GRIP1: variants seen among roughly 807,000 people sequenced by gnomAD.
GRIP1 encodes the protein glutamate receptor interacting protein 1.
A neutral mutation model predicts 129.9 loss-of-function variants in GRIP1; 45 were observed. The ratio of observed to expected loss-of-function variants is 0.35; its 90% confidence interval spans 0.27 to 0.44. The LOEUF (loss-of-function observed/expected upper bound fraction) is 0.44, where lower values mean the gene tolerates loss of function less well. GRIP1 is among the 20% of genes least tolerant of loss of function. GRIP1 has a pLI of 1.00. For missense variants in GRIP1, 1,196 were observed against 1,396.8 expected, an observed-to-expected ratio of 0.86 and a Z score of 2.29; for synonymous variants, 530 against 520.8, an observed-to-expected ratio of 1.02 and a Z score of -0.24.
rs1365095143 is a variant in GRIP1 at position 66,456,254 on chromosome 12, C to T, written c.1131G>A (p.Thr377=). ...SSLHTNHHYN[T]YHPDHCRVPA... is the part of the protein sequence containing the mutation. ...GTACTCTGCAATGGTCAGGGTGGTACGTGTTATAGTGATGGTTGGTGTGAA... is the reference window on the plus strand; with the variant it reads ...GTACTCTGCAATGGTCAGGGTGGTATGTGTTATAGTGATGGTTGGTGTGAA... Residue 377 remains threonine, a synonymous_variant, in exon 10 of 25, where the codon ACG becomes ACA. Coordinates refer to ENST00000359742, the MANE Select transcript of GRIP1 (RefSeq NM_001366722.1). 13 of 1,289,138 alleles carry T rather than the reference C, an allele frequency of 1.0e-5. No individual in the cohort carries two copies. Among genetic ancestry groups the T allele is most frequent in the African/African-American group, 4.6e-5 (3 of 65,790 alleles). The allele number at this position is 1,289,138 out of a possible 1,614,324, so 79.9% of individuals were successfully genotyped here. A position where few individuals can be genotyped will look rare whatever the true frequency, so the allele number is the denominator to read the frequency against.
intron 1 of GRIP1, among the ~76,000 whole-genome samples, chr12:66,642,774 C>T (rs961166548): frequency 2.6e-5 from 4 of 152,056 alleles, no homozygotes; most frequent in Admixed American, 1.3e-4. Flanking sequence ...CCCTCTACCC[C>T]ATCCCATCTA....
chr12:67,006,393 G>A (rs1592457667), intron 1 of GRIP1, among the ~76,000 whole-genome samples: 2 of 152,042 alleles, frequency 1.3e-5, no homozygotes, highest in South Asian at 4.2e-4. Flanking sequence ...AGTGAGACCC[G>A]TCTCTACAAA....
chr12:66,465,431 G>C lies in GRIP1; in HGVS notation c.725-9C>G, dbSNP rs1296009439. On this transcript the variant is annotated splice_polypyrimidine_tract_variant and intron_variant, in intron 7 of 24. Coordinates refer to ENST00000359742, the MANE Select transcript of GRIP1 (RefSeq NM_001366722.1). ...TGCTGTTGCCACAGAGTCTGTCAAA[G>C]AACAAATTTTAGAAAACAAAACAAA... 1 of 1,611,440 alleles carries C rather than the reference G, an allele frequency of 6.2e-7. No individual in the cohort carries two copies. The highest frequency in any genetic ancestry group is 1.3e-5 in the African/African-American group (1 of 74,778).
At chr12:66,738,382 A>G (rs984492399) in intron 1 of GRIP1, among the ~76,000 whole-genome samples, 38 of 151,180 alleles carry the variant, frequency 2.5e-4, no homozygotes, top group African/African-American at 8.5e-4. Flanking sequence ...ACCACGCCCG[A>G]CTAATTTTTT....
intron 1 of GRIP1, among the ~76,000 whole-genome samples, chr12:66,695,433 C>G (rs531053192): frequency 6.6e-6 from 1 of 152,228 alleles, no homozygotes; most frequent in South Asian, 2.1e-4. Context: ...ATGGGCCACA[C>G]GAGAGGAGGA....
At chr12:66,487,441 T>C (rs577574696) in intron 7 of GRIP1, among the ~76,000 whole-genome samples, 37 of 152,246 alleles carry the variant, frequency 2.4e-4, no homozygotes, top group African/African-American at 8.4e-4. Flanking sequence ...AGGGAATTCA[T>C]CACCACCTCA....
intron 1 of GRIP1, among the ~76,000 whole-genome samples, chr12:66,972,598 C>T (rs910416640): frequency 6.6e-6 from 1 of 152,178 alleles, no homozygotes; most frequent in African/African-American, 2.4e-5. Context: ...GACCACCTAG[C>T]TCTAAAACAA....
chr12:66,803,604 A>C (rs969197906), intron 1 of GRIP1, among the ~76,000 whole-genome samples: 2 of 152,204 alleles, frequency 1.3e-5, no homozygotes. Context: ...ACAACACCTG[A>C]GATTAATCAC....
intron 1 of GRIP1, among the ~76,000 whole-genome samples, chr12:66,781,829 G>A (rs1030318257): frequency 1.3e-5 from 2 of 152,144 alleles, no homozygotes; most frequent in Non-Finnish European, 2.9e-5. Flanking sequence ...GGGGAAGGGT[G>A]TATAAATTGG....
rs144142836 is a variant in GRIP1 at position 66,434,901 on chromosome 12, T to C, written c.1688-2273A>G. ...AGCCTGTGCCTGGCCTTGACAGCCA[T>C]TGAAGTCAGGTTCTAGCCCTTCCTG... On this transcript the variant is annotated intron_variant, in intron 13 of 24. Coordinates refer to ENST00000359742, the MANE Select transcript of GRIP1 (RefSeq NM_001366722.1). 2.1e-3 allele frequency among the ~76,000 whole-genome samples: 322 copies of C among 152,342 alleles called. 1 individual carries two copies. Among genetic ancestry groups the C allele is most frequent in the African/African-American group, 7.3e-3 (305 of 41,582 alleles).
chr12:66,558,719 C>T (rs1320888459), intron 2 of GRIP1, among the ~76,000 whole-genome samples: 1 of 152,034 alleles, frequency 6.6e-6, no homozygotes, highest in African/African-American at 2.4e-5. Flanking sequence ...AAGTCCAGGA[C>T]CTGATGGCTT....
At chr12:66,583,206 G>A (rs1372034704) in intron 2 of GRIP1, among the ~76,000 whole-genome samples, 3 of 150,884 alleles carry the variant, frequency 2.0e-5, no homozygotes, top group Non-Finnish European at 3.0e-5. Flanking sequence ...CTAGCCATAT[G>A]TAGAAAGCTG....
intron 1 of GRIP1, among the ~76,000 whole-genome samples, chr12:66,788,308 C>T (rs2038422937): frequency 6.6e-6 from 1 of 151,272 alleles, no homozygotes; most frequent in South Asian, 2.1e-4. Flanking sequence ...AAAGTCTGGA[C>T]ACAGTTGAGG....
At chr12:66,525,659 T>A (rs1159413431) in intron 5 of GRIP1, among the ~76,000 whole-genome samples, 1 of 151,582 alleles carries the variant, frequency 6.6e-6, no homozygotes, top group Non-Finnish European at 1.5e-5. Context: ...CTATTAAACG[T>A]AGTGTTGGAA....
intron 1 of GRIP1, among the ~76,000 whole-genome samples, chr12:66,883,081 C>G (rs903156356): frequency 5.3e-5 from 8 of 152,118 alleles, no homozygotes; most frequent in South Asian, 2.1e-4. Flanking sequence ...TTGTTCATTT[C>G]TATTCTCTCC....
intron 1 of GRIP1, among the ~76,000 whole-genome samples, chr12:67,056,738 A>G (rs1222555680): frequency 1.3e-5 from 2 of 152,214 alleles, no homozygotes; most frequent in Non-Finnish European, 2.9e-5. Context: ...GAGAGATGAA[A>G]CTTGTAAGAG....
At chr12:66,769,390 G>A (rs1419867817) in intron 1 of GRIP1, among the ~76,000 whole-genome samples, 2 of 152,006 alleles carry the variant, frequency 1.3e-5, no homozygotes, top group Non-Finnish European at 2.9e-5. Context: ...CCTGAAGTTT[G>A]AGAACCACTG....
chr12:66,805,950 C>A (rs2038981528), upstream of GRIP1, among the ~76,000 whole-genome samples: 1 of 149,574 alleles, frequency 6.7e-6, no homozygotes, highest in Non-Finnish European at 1.5e-5. Flanking sequence ...TTAAAAAAAT[C>A]ACTTGTCCTT....
intron 1 of GRIP1, among the ~76,000 whole-genome samples, chr12:67,047,971 T>C (rs2135837234): frequency 6.6e-6 from 1 of 152,312 alleles, no homozygotes; most frequent in East Asian, 1.9e-4. Context: ...CATATGGTTC[T>C]ATTTGTAAGT....
Sources: allele counts gnomAD v4.1 joint callset (sites outside exome capture counted in the v4.1 genomes callset), GRCh38; gene constraint gnomAD v4.1.1; transcripts MANE v1.5; gene names NCBI Gene and HGNC (gene_info 2026-07-23, HGNC 2026-07-21).